DGKG: variants seen among roughly 807,000 people sequenced by gnomAD.
DGKG encodes the protein DAG kinase gamma.
Under a neutral mutation model 105.3 loss-of-function variants are expected in DGKG, and 78 were observed. The observed-to-expected ratio is 0.74, with a 90% confidence interval of 0.62 to 0.89. The LOEUF is 0.89. Ranked by LOEUF, DGKG falls within the 40% of genes least tolerant of loss-of-function variation. DGKG has a pLI of 0.00. For missense variants in DGKG, 958 were observed against 1,020.1 expected (o/e 0.94, Z 0.83); for synonymous variants, 346 against 367.1 (o/e 0.94, Z 0.66).
intron 21 of DGKG, among the ~76,000 whole-genome samples, chr3:186,202,635 T>A (rs1465630599): frequency 6.6e-6 from 1 of 152,172 alleles, no homozygotes; most frequent in East Asian, 1.9e-4. Flanking sequence ...TTGGGGAAAG[T>A]TATTCTTTTA....
intron 5 of DGKG, among the ~76,000 whole-genome samples, chr3:186,292,591 G>A (rs1025964954): frequency 2.0e-5 from 3 of 152,166 alleles, no homozygotes; most frequent in Non-Finnish European, 4.4e-5. Context: ...GTCAGGAGTT[G>A]GAGACCAGCC....
intron 15 of DGKG, among the ~76,000 whole-genome samples, chr3:186,261,236 TGCTGTTCA>T (rs1721758908): frequency 6.6e-6 from 1 of 152,250 alleles, no homozygotes; most frequent in African/African-American, 2.4e-5. Flanking sequence ...TGTCCACCTG[TGCTGTTCA>T]GCAATTTCTA....
At chr3:186,227,895 T>C (rs970221854) in intron 20 of DGKG, among the ~76,000 whole-genome samples, 3 of 152,212 alleles carry the variant, frequency 2.0e-5, no homozygotes. Context: ...AATACCCTTA[T>C]GCAAAAGGGC....
At chr3:186,198,994 C>CAA (rs1411783475) in intron 21 of DGKG, among the ~76,000 whole-genome samples, 2 of 152,068 alleles carry the variant, frequency 1.3e-5, no homozygotes, top group Non-Finnish European at 2.9e-5. Flanking sequence ...GTTACCCAGG[C>CAA]TGGAGTGCAA....
intron 11 of DGKG, among the ~76,000 whole-genome samples, chr3:186,271,378 T>C (rs942043950): frequency 1.1e-4 from 16 of 152,156 alleles, no homozygotes; most frequent in African/African-American, 3.1e-4. Context: ...TTCTCTCCTT[T>C]AGCCAGTGTG....
chr3:186,331,860 C>T (rs181681899), intron 1 of DGKG, among the ~76,000 whole-genome samples: 55 of 152,310 alleles, frequency 3.6e-4, no homozygotes, highest in Admixed American at 1.2e-3. Flanking sequence ...ACACATCTTG[C>T]GCTTTGCAAA....
At chr3:186,314,081 A>G (rs1724688319) in intron 2 of DGKG, among the ~76,000 whole-genome samples, 1 of 152,318 alleles carries the variant, frequency 6.6e-6, no homozygotes, top group African/African-American at 2.4e-5. Context: ...CGAAAGAAAT[A>G]TATTTCCTAA....
At chr3:186,261,842 T>C in intron 14 of DGKG, 64 bp from the exon 15 acceptor site, 2 of 1,095,246 alleles carry the variant, frequency 1.8e-6, no homozygotes, top group East Asian at 2.6e-5. Context: ...GAGATGAGAG[T>C]TGAAGCCAAG....
chr3:186,329,486 A>G lies in DGKG; in HGVS notation c.-248-8779T>C, dbSNP rs184151818. Among the ~76,000 whole-genome samples, 336 of 152,044 alleles carry G rather than the reference A, an allele frequency of 2.2e-3. 4 individuals are homozygous for G. The highest frequency in any genetic ancestry group is 7.5e-3 in the African/African-American group (311 of 41,492). On this transcript the variant is annotated intron_variant, in intron 1 of 24. Transcript: ENST00000265022. The stretch of plus-strand genomic sequence containing the variant: ...CATACCCAATTATCCAGGAACAAAC[A>G]CCTCCTCATCTCCTCTTTGCTCTCC...
At chr3:186,245,532 G>A (rs146116842) in intron 19 of DGKG, among the ~76,000 whole-genome samples, 6 of 152,210 alleles carry the variant, frequency 3.9e-5, no homozygotes, top group Admixed American at 2.6e-4. Context: ...TTATTAAGGC[G>A]TAAACCCTTT....
At chr3:186,254,488 T>C (rs947500600) in intron 17 of DGKG, among the ~76,000 whole-genome samples, 3 of 152,196 alleles carry the variant, frequency 2.0e-5, no homozygotes, top group Non-Finnish European at 2.9e-5. Flanking sequence ...AGGCTCTTGT[T>C]TCCTGTGTCT....
At chr3:186,324,533 C>T (rs1358597136) in intron 1 of DGKG, among the ~76,000 whole-genome samples, 1 of 146,358 alleles carries the variant, frequency 6.8e-6, no homozygotes, top group Admixed American at 6.7e-5. Flanking sequence ...AAAAAAAACC[C>T]AAAATAACCC....
rs1317918459 is a variant in DGKG, at chr3:186,210,446, C to T, written c.1917+1349G>A. 2.0e-5 allele frequency among the ~76,000 whole-genome samples: 3 copies of T among 152,228 alleles called. No individual in the cohort carries two copies. Among genetic ancestry groups the T allele is most frequent in the Admixed American group, 6.5e-5 (1 of 15,286 alleles). Reference sequence around the variant, plus strand: ...TGCCACCTGGGGACACACAACCTGGCGCCTGGCCTCTCTGCCCTCTTACCA... The same window carrying T: ...TGCCACCTGGGGACACACAACCTGGTGCCTGGCCTCTCTGCCCTCTTACCA... On this transcript the variant is annotated intron_variant, in intron 21 of 24. Transcript: ENST00000265022. The surrounding 1 kb of genome is among the most constrained non-coding windows in gnomAD (Gnocchi z 5.2).
intron 24 of DGKG, chr3:186,158,846 A>G: frequency 2.1e-6 from 2 of 940,690 alleles, no homozygotes; most frequent in Non-Finnish European, 2.5e-6. Flanking sequence ...AATTGAATGT[A>G]CTTTTTATCA....
intron 21 of DGKG, among the ~76,000 whole-genome samples, chr3:186,191,312 G>A (rs1717895397): frequency 6.6e-6 from 1 of 152,196 alleles, no homozygotes; most frequent in Non-Finnish European, 1.5e-5. Context: ...CTAGAATCTT[G>A]CCAGGGATCA....
chr3:186,248,725 G>C, intron 19 of DGKG, among the ~76,000 whole-genome samples: 1 of 152,174 alleles, frequency 6.6e-6, no homozygotes, highest in East Asian at 1.9e-4. Context: ...GACGGAGGGG[G>C]CTTCAAGGAG....
chr3:186,309,410 GA>G (rs1363954105), intron 2 of DGKG, among the ~76,000 whole-genome samples: 1 of 152,172 alleles, frequency 6.6e-6, no homozygotes, highest in African/African-American at 2.4e-5. Context: ...AATGGTTAAA[GA>G]TTTTTTTGAG....
rs116763844 is a variant in DGKG at position 186,240,469 on chromosome 3, C to T, written c.1826+2035G>A. Among the ~76,000 whole-genome samples, 542 of 152,232 alleles carry T rather than the reference C, an allele frequency of 3.6e-3. 6 individuals are homozygous for T. The highest frequency in any genetic ancestry group is 0.012 in the African/African-American group (494 of 41,526). ...ATGGATGAATGAATGAACAGAGCCCCGTGGCTTTCACAAGCATATGGCACA... is the reference window on the plus strand; with the variant it reads ...ATGGATGAATGAATGAACAGAGCCCTGTGGCTTTCACAAGCATATGGCACA... On this transcript the variant is annotated intron_variant, in intron 20 of 24. Coordinates refer to ENST00000265022, the MANE Select transcript of DGKG (RefSeq NM_001346.3).
At chr3:186,352,048 T>A (rs1190375585) in intron 1 of DGKG, among the ~76,000 whole-genome samples, 5 of 151,998 alleles carry the variant, frequency 3.3e-5, no homozygotes, top group Non-Finnish European at 1.5e-5. Context: ...TCTCTGGGAG[T>A]GGGACCCACA....
Sources: allele counts gnomAD v4.1 joint callset (sites outside exome capture counted in the v4.1 genomes callset), GRCh38; gene constraint gnomAD v4.1.1; non-coding constraint Gnocchi (gnomAD v3.1); transcripts MANE v1.5; gene names NCBI Gene and HGNC (gene_info 2026-07-23, HGNC 2026-07-21).